SHTN1: variants seen among roughly 807,000 people sequenced by gnomAD.
The protein encoded by SHTN1 is shootin-1.
SHTN1 carries 42 observed loss-of-function variants against 83.1 expected under a neutral mutation model. The ratio of observed to expected loss-of-function variants is 0.51; its 90% CI spans 0.39 to 0.65. The LOEUF (loss-of-function observed/expected upper bound fraction) is 0.65, where lower values mean the gene tolerates loss of function less well. Ranked by LOEUF, SHTN1 falls within the 30% of genes least tolerant of loss-of-function variation. SHTN1 has a pLI of 0.00. For missense variants in SHTN1, 622 were observed against 737.8 expected, an observed-to-expected ratio of 0.84 and a Z score of 1.82; for synonymous variants, 224 against 247.7, an observed-to-expected ratio of 0.90 and a Z score of 0.90.
At chr10:116,973,296 T>G (rs1310137954) in intron 2 of SHTN1, among the ~76,000 whole-genome samples, 1 of 152,212 alleles carries the variant, frequency 6.6e-6, no homozygotes, top group Admixed American at 6.5e-5. Context: ...CTTGTCTTCC[T>G]GGTGCACAAA....
At chr10:117,074,798 C>T (rs1853129400) in intron 1 of SHTN1, among the ~76,000 whole-genome samples, 1 of 152,054 alleles carries the variant, frequency 6.6e-6, no homozygotes, top group Admixed American at 6.6e-5. Flanking sequence ...AGTCCAGGGA[C>T]AATAAACCTG....
chr10:117,050,910 T>A (rs1315698696), intron 1 of SHTN1, among the ~76,000 whole-genome samples: 4 of 151,858 alleles, frequency 2.6e-5, no homozygotes, highest in Non-Finnish European at 5.9e-5. Flanking sequence ...AAATAAAAAT[T>A]AGCTGGGTGT....
At chr10:116,929,573 C>A (rs768961561) in intron 10 of SHTN1, among the ~76,000 whole-genome samples, 41 of 152,104 alleles carry the variant, frequency 2.7e-4, no homozygotes, top group Non-Finnish European at 5.4e-4. Flanking sequence ...AGTTGGTCTT[C>A]CTAGGCTAAC....
At chr10:117,033,864 T>C (rs772813406) in intron 2 of SHTN1, among the ~76,000 whole-genome samples, 9 of 152,158 alleles carry the variant, frequency 5.9e-5, no homozygotes, top group Non-Finnish European at 1.0e-4. Context: ...GATGCAATAA[T>C]AGTTCAAAAT....
At chr10:116,968,254 T>C (rs1470304547) in intron 3 of SHTN1, among the ~76,000 whole-genome samples, 1 of 152,124 alleles carries the variant, frequency 6.6e-6, no homozygotes, top group Non-Finnish European at 1.5e-5. Flanking sequence ...CCAGGAGTAC[T>C]GTTTACTGAA....
intron 2 of SHTN1, among the ~76,000 whole-genome samples, chr10:117,038,787 G>A (rs886921312): frequency 1.3e-5 from 2 of 152,118 alleles, no homozygotes; most frequent in Admixed American, 6.5e-5. Flanking sequence ...AAACGACAAC[G>A]TGATATCACT....
chr10:117,109,239 C>CA (rs984906553), intron 1 of SHTN1, among the ~76,000 whole-genome samples: 2 of 152,120 alleles, frequency 1.3e-5, no homozygotes, highest in African/African-American at 2.4e-5. Context: ...CACCCCCCAC[C>CA]ACTGCTTTGG....
chr10:116,881,569 C>T lies in SHTN1; in HGVS notation c.*4775G>A, dbSNP rs905832855. The T allele has an allele frequency of 4.6e-5, 71 of 1,549,912 alleles. No homozygotes were observed. The highest frequency in any genetic ancestry group is 5.9e-5 in the Admixed American group (3 of 50,900). On this transcript the variant is annotated 3_prime_UTR_variant, in exon 17 of 17. Coordinates refer to ENST00000355371, the MANE Select transcript of SHTN1 (RefSeq NM_001127211.3). The stretch of plus-strand genomic sequence containing the variant: ...TTTAATGAGGAAGCTGAAAAGGCTG[C>T]GGAGGCACTTGAGGCTGCTGCGGCT...
At chr10:116,977,012 T>C (rs1850830694) in intron 2 of SHTN1, among the ~76,000 whole-genome samples, 1 of 152,210 alleles carries the variant, frequency 6.6e-6, no homozygotes, top group African/African-American at 2.4e-5. Context: ...CTGAGGTAAT[T>C]TATAATCCTC....
chr10:116,953,667 G>A (rs1394126916), intron 5 of SHTN1, among the ~76,000 whole-genome samples: 14 of 122,622 alleles, frequency 1.1e-4, no homozygotes, highest in African/African-American at 3.8e-4. Flanking sequence ...TCGCTCTGTC[G>A]CTCAGGCTGG....
At chr10:116,892,969 A>C (rs76323522) in intron 16 of SHTN1, among the ~76,000 whole-genome samples, 3,126 of 152,364 alleles carry the variant, frequency 0.021, 109 homozygotes, top group African/African-American at 0.071. Context: ...TCTCTTAAAA[A>C]TCATAGGTGC....
At chr10:116,922,087 GAAT>G (rs1848588260) in intron 11 of SHTN1, among the ~76,000 whole-genome samples, 1 of 151,920 alleles carries the variant, frequency 6.6e-6, no homozygotes, top group African/African-American at 2.4e-5. Context: ...ATATTATGCA[GAAT>G]AAAAAGACAA....
intron 2 of SHTN1, among the ~76,000 whole-genome samples, chr10:117,031,834 A>G (rs754764272): frequency 1.3e-5 from 2 of 152,316 alleles, no homozygotes; most frequent in Non-Finnish European, 2.9e-5. Context: ...GAAGTAAAGA[A>G]TGAAGGAAAA....
At chr10:116,972,201 T>C (rs1032973103) in intron 2 of SHTN1, among the ~76,000 whole-genome samples, 2 of 152,206 alleles carry the variant, frequency 1.3e-5, no homozygotes, top group African/African-American at 4.8e-5. Flanking sequence ...ACTAATCCTA[T>C]GGTTATCATC....
chr10:117,124,806 A>G (rs1031027770), intron 1 of SHTN1, among the ~76,000 whole-genome samples: 2 of 152,226 alleles, frequency 1.3e-5, no homozygotes, highest in Non-Finnish European at 2.9e-5. Context: ...TAATAATTCT[A>G]TTTACAGATG....
intron 1 of SHTN1, among the ~76,000 whole-genome samples, chr10:117,079,359 C>T (rs1159183272): frequency 7.5e-6 from 1 of 133,918 alleles, no homozygotes; most frequent in Non-Finnish European, 1.6e-5. Context: ...CTACAAAGGA[C>T]ATGAACTCAT....
intron 1 of SHTN1, among the ~76,000 whole-genome samples, chr10:117,103,699 G>C (rs1853633348): frequency 6.6e-6 from 1 of 151,372 alleles, no homozygotes; most frequent in African/African-American, 2.4e-5. Flanking sequence ...ACCACGCCCG[G>C]CCAATTTTTT....
intron 6 of SHTN1, among the ~76,000 whole-genome samples, chr10:116,949,294 TA>T (rs202213237): frequency 4.0e-5 from 6 of 150,866 alleles, no homozygotes; most frequent in South Asian, 2.1e-4. Flanking sequence ...TTTTTTTAAT[TA>T]AAAAAAAACA....
chr10:117,122,619 T>A (rs1853947901), intron 1 of SHTN1, among the ~76,000 whole-genome samples: 2 of 152,236 alleles, frequency 1.3e-5, no homozygotes, highest in Non-Finnish European at 1.5e-5. Flanking sequence ...ACAATACTTT[T>A]AAGGATATAT....
Sources: gnomAD v4.1 joint callset for allele counts (sites outside exome capture counted in the v4.1 genomes callset) on GRCh38, gnomAD v4.1.1 for gene constraint, MANE v1.5 for transcripts, NCBI Gene and HGNC (gene_info 2026-07-23, HGNC 2026-07-21) for gene names.